DAB1: variants seen among roughly 807,000 people sequenced by gnomAD.
The protein encoded by DAB1 is DAB adaptor protein 1.
In DAB1, 15 loss-of-function variants were observed where a neutral mutation model predicts 64.6. The ratio of observed to expected loss-of-function variants is 0.23; its 90% CI spans 0.16 to 0.36. The LOEUF (loss-of-function observed/expected upper bound fraction) is 0.36. Ranked by LOEUF, DAB1 falls within the 10% of genes least tolerant of loss-of-function variation. The pLI is 1.00. For missense variants in DAB1, 596 were observed against 706.7 expected (o/e 0.84, Z 1.78); for synonymous variants, 235 against 251.9 (o/e 0.93, Z 0.64).
chr1:57,744,745 G>A (rs534401812), intron 6 of DAB1, among the ~76,000 whole-genome samples: 2 of 152,262 alleles, frequency 1.3e-5, no homozygotes, highest in East Asian at 1.9e-4. Flanking sequence ...ATTCTCCACT[G>A]GCAGGTGTGA....
intron 3 of DAB1, among the ~76,000 whole-genome samples, chr1:58,498,252 A>T (rs191260320): frequency 1.3e-5 from 2 of 152,044 alleles, no homozygotes; most frequent in Non-Finnish European, 2.9e-5. Context: ...AAAAAAAAAA[A>T]ACAACTTTTT....
At chr1:57,930,321 A>G (rs1272987462) in intron 5 of DAB1, among the ~76,000 whole-genome samples, 1 of 152,198 alleles carries the variant, frequency 6.6e-6, no homozygotes, top group Non-Finnish European at 1.5e-5. Context: ...AAGTGTCAGT[A>G]CTTCACTTTG....
intron 3 of DAB1, among the ~76,000 whole-genome samples, chr1:58,398,521 C>A (rs546811818): frequency 6.6e-6 from 1 of 152,218 alleles, no homozygotes; most frequent in African/African-American, 2.4e-5. Context: ...CCCACTGTGG[C>A]GCATCCATAG....
chr1:58,536,443 C>A, intron 1 of DAB1: 1 of 727,214 alleles, frequency 1.4e-6, no homozygotes. Context: ...ATATCTTTCA[C>A]ATTTAAGATA....
chr1:57,380,132 T>C (rs1681248537), intron 1 of DAB1, among the ~76,000 whole-genome samples: 2 of 152,220 alleles, frequency 1.3e-5, no homozygotes, highest in South Asian at 2.1e-4. Context: ...GCATTCATTA[T>C]TTCCTTTAAT....
intron 7 of DAB1, among the ~76,000 whole-genome samples, chr1:57,541,277 T>C (rs1047509154): frequency 1.9e-4 from 29 of 152,090 alleles, no homozygotes; most frequent in African/African-American, 6.3e-4. Context: ...TACAGGCGCC[T>C]GCCACCACGC....
chr1:57,253,752 T>C lies in DAB1; in HGVS notation c.67+37212A>G, dbSNP rs191596543. Among the ~76,000 whole-genome samples, 135 of 152,324 alleles carry C rather than the reference T, an allele frequency of 8.9e-4. No individual in the cohort carries two copies. The South Asian group carries it at 9.1e-3, about 10-fold the overall frequency. ...TGTGTCAAAAATCTTATTACAACCA[T>C]CCTCTACTCCTGATATATTTTAGTC... is the stretch of plus-strand genomic sequence containing the variant. On this transcript the variant is annotated intron_variant, in intron 2 of 14. Coordinates refer to ENST00000371236, the MANE Select transcript of DAB1 (RefSeq NM_001365792.1).
At chr1:57,137,962 C>T (rs1658273945) in intron 3 of DAB1, among the ~76,000 whole-genome samples, 1 of 152,116 alleles carries the variant, frequency 6.6e-6, no homozygotes, top group African/African-American at 2.4e-5. Flanking sequence ...TACTTAACCT[C>T]TTAGTTTCAC....
At chr1:57,681,076 G>A (rs1646631253) in intron 6 of DAB1, among the ~76,000 whole-genome samples, 1 of 152,192 alleles carries the variant, frequency 6.6e-6, no homozygotes, top group Admixed American at 6.5e-5. Context: ...CTGGAGGCTA[G>A]AAGTTTGAGA....
chr1:57,142,621 C>T (rs991438094), intron 3 of DAB1, among the ~76,000 whole-genome samples: 4 of 150,548 alleles, frequency 2.7e-5, no homozygotes, highest in African/African-American at 9.9e-5. Flanking sequence ...CACACACACA[C>T]ACACACACAT....
chr1:57,181,411 C>A (rs1217275955), intron 2 of DAB1, among the ~76,000 whole-genome samples: 1 of 152,200 alleles, frequency 6.6e-6, no homozygotes, highest in East Asian at 1.9e-4. Flanking sequence ...AATGAGACTT[C>A]TGAGAAGCAG....
At chr1:58,207,603 T>C (rs1270016740) in intron 4 of DAB1, among the ~76,000 whole-genome samples, 1 of 152,200 alleles carries the variant, frequency 6.6e-6, no homozygotes, top group Non-Finnish European at 1.5e-5. Context: ...TGTCCTGGTT[T>C]TAATACTGGA....
intron 7 of DAB1, among the ~76,000 whole-genome samples, chr1:57,456,641 T>G (rs1052942806): frequency 1.3e-5 from 2 of 152,154 alleles, no homozygotes; most frequent in African/African-American, 4.8e-5. Context: ...CATAAAAATA[T>G]ACCAATAATC....
intron 1 of DAB1, among the ~76,000 whole-genome samples, chr1:57,421,130 A>G (rs1038222365): frequency 1.3e-5 from 2 of 152,176 alleles, no homozygotes; most frequent in Admixed American, 1.3e-4. Context: ...CCAAACACTC[A>G]CCCATTTAAG....
intron 7 of DAB1, among the ~76,000 whole-genome samples, chr1:57,466,045 A>G (rs990443718): frequency 6.6e-6 from 1 of 152,118 alleles, no homozygotes; most frequent in African/African-American, 2.4e-5. Context: ...AGGATGCAAG[A>G]CCCTGGTTAA....
intron 6 of DAB1, among the ~76,000 whole-genome samples, chr1:57,680,531 T>C (rs1480697081): frequency 6.6e-6 from 1 of 152,220 alleles, no homozygotes; most frequent in African/African-American, 2.4e-5. Flanking sequence ...TCTTCAAAGC[T>C]AGTGATGATG....
chr1:57,158,362 T>G (rs1443839018), intron 2 of DAB1, among the ~76,000 whole-genome samples: 2 of 152,180 alleles, frequency 1.3e-5, no homozygotes, highest in East Asian at 3.8e-4. Context: ...AACAGGATGT[T>G]CCTTCCCGAA....
At chr1:58,219,310 A>G (rs906439832) in intron 4 of DAB1, among the ~76,000 whole-genome samples, 4 of 152,152 alleles carry the variant, frequency 2.6e-5, no homozygotes, top group East Asian at 1.9e-4. Flanking sequence ...TGCTTCTTAT[A>G]TAGAAAAGCA....
At chr1:57,103,944 G>A (rs1654909308) in intron 4 of DAB1, among the ~76,000 whole-genome samples, 1 of 152,094 alleles carries the variant, frequency 6.6e-6, no homozygotes, top group Non-Finnish European at 1.5e-5. Flanking sequence ...GAGAGGTATG[G>A]CAGATTTATC....
Sources: gnomAD v4.1 joint callset for allele counts (sites outside exome capture counted in the v4.1 genomes callset) on GRCh38, gnomAD v4.1.1 for gene constraint, MANE v1.5 for transcripts, NCBI Gene and HGNC (gene_info 2026-07-23, HGNC 2026-07-21) for gene names.